MCOLN2: variants seen among roughly 807,000 people sequenced by gnomAD.
The protein encoded by MCOLN2 is mucolipin-2.
MCOLN2 carries 57 observed loss-of-function variants against 67.5 expected under a neutral mutation model. The ratio of observed to expected loss-of-function variants is 0.84; its 90% confidence interval spans 0.68 to 1.05. MCOLN2 has a LOEUF of 1.05. MCOLN2 is among the 50% of genes least tolerant of loss of function. The pLI, the probability that MCOLN2 is intolerant of heterozygous loss-of-function variation, is 0.00. For missense variants in MCOLN2, 620 were observed against 678.8 expected, an observed-to-expected ratio of 0.91 and a Z score of 0.96; for synonymous variants, 246 against 233.3, an observed-to-expected ratio of 1.05 and a Z score of -0.50.
intron 6 of MCOLN2, among the ~76,000 whole-genome samples, chr1:84,951,263 G>A (rs1440053119): frequency 1.3e-5 from 2 of 152,316 alleles, no homozygotes; most frequent in Non-Finnish European, 2.9e-5. Context: ...GACTCATTAA[G>A]TATTTATTGA....
intron 2 of MCOLN2, among the ~76,000 whole-genome samples, chr1:84,961,365 C>A (rs1332774791): frequency 1.3e-5 from 2 of 152,156 alleles, no homozygotes; most frequent in African/African-American, 2.4e-5. Context: ...AATGAAAAAA[C>A]TGACCATGAA....
At chr1:84,959,277 A>C (rs1172181144) in intron 2 of MCOLN2, among the ~76,000 whole-genome samples, 3 of 152,204 alleles carry the variant, frequency 2.0e-5, no homozygotes, top group African/African-American at 4.8e-5. Context: ...ACCAAATTCT[A>C]CAGTATCAAA....
At chr1:84,932,029 A>AACAC (rs55925234) in intron 11 of MCOLN2, among the ~76,000 whole-genome samples, 2,088 of 148,604 alleles carry the variant, frequency 0.014, 54 homozygotes, top group African/African-American at 0.047. Context: ...GTCTCTTTAA[A>AACAC]ACACACACAC....
intron 1 of MCOLN2, among the ~76,000 whole-genome samples, chr1:84,992,788 A>T (rs1233941153): frequency 6.6e-6 from 1 of 152,218 alleles, no homozygotes; most frequent in Non-Finnish European, 1.5e-5. Flanking sequence ...ACTTCATACT[A>T]AAAAATGCTA....
intron 2 of MCOLN2, among the ~76,000 whole-genome samples, chr1:84,964,279 C>T (rs560268722): frequency 4.9e-4 from 75 of 152,230 alleles, no homozygotes; most frequent in African/African-American, 1.7e-3. Context: ...TGGCAGGGAC[C>T]GTCTCCCATT....
intron 1 of MCOLN2, among the ~76,000 whole-genome samples, chr1:84,976,765 CA>C (rs1277336074): frequency 6.6e-6 from 1 of 150,880 alleles, no homozygotes; most frequent in African/African-American, 2.4e-5. Context: ...GACTCCATCT[CA>C]AAAAAAAGAT....
intron 13 of MCOLN2, among the ~76,000 whole-genome samples, chr1:84,929,175 T>C (rs1661288123): frequency 3.3e-5 from 5 of 152,158 alleles, no homozygotes; most frequent in Admixed American, 2.6e-4. Context: ...TCAAGAAAGA[T>C]TGCTTGTACC....
intron 1 of MCOLN2, among the ~76,000 whole-genome samples, chr1:84,990,496 ATGAG>A (rs991742995): frequency 1.3e-5 from 2 of 152,202 alleles, no homozygotes; most frequent in African/African-American, 4.8e-5. Context: ...TTTTAAAATA[ATGAG>A]TTAGTTATAG....
intron 1 of MCOLN2, among the ~76,000 whole-genome samples, chr1:84,987,983 G>A (rs1373907004): frequency 1.3e-5 from 2 of 151,908 alleles, no homozygotes; most frequent in East Asian, 3.9e-4. Context: ...TTGGGTGATG[G>A]GTGCACAAAA....
chr1:84,928,313 A>G (rs1317177967), intron 13 of MCOLN2, among the ~76,000 whole-genome samples: 2 of 152,166 alleles, frequency 1.3e-5, no homozygotes, highest in Non-Finnish European at 2.9e-5. Context: ...AACAACCCTC[A>G]GCACACTTTA....
intron 1 of MCOLN2, among the ~76,000 whole-genome samples, chr1:84,968,834 T>C (rs1198537518): frequency 1.3e-5 from 2 of 152,216 alleles, no homozygotes; most frequent in Non-Finnish European, 1.5e-5. Flanking sequence ...AAGACTCCCA[T>C]TTCAGAAGGG....
At chr1:84,964,533 G>A (rs1047044584) in intron 2 of MCOLN2, among the ~76,000 whole-genome samples, 1 of 147,854 alleles carries the variant, frequency 6.8e-6, no homozygotes. Flanking sequence ...GAGTGGGGGG[G>A]GGTGGGTAAT....
At chr1:84,986,442 C>T (rs1262330263) in intron 1 of MCOLN2, among the ~76,000 whole-genome samples, 1 of 150,750 alleles carries the variant, frequency 6.6e-6, no homozygotes, top group African/African-American at 2.4e-5. Flanking sequence ...ACTAGGGAGG[C>T]TGAGGCAGGA....
At chr1:84,967,659 G>C (rs965444735) in intron 1 of MCOLN2, among the ~76,000 whole-genome samples, 1 of 148,874 alleles carries the variant, frequency 6.7e-6, no homozygotes, top group Non-Finnish European at 1.5e-5. Flanking sequence ...TGCTGGAAAG[G>C]AAGGAAAAGA....
intron 1 of MCOLN2, among the ~76,000 whole-genome samples, chr1:84,990,122 C>T (rs1371206678): frequency 6.7e-6 from 1 of 149,734 alleles, no homozygotes; most frequent in Non-Finnish European, 1.5e-5. Context: ...TAGTGAAACC[C>T]CATCTCTACT....
chr1:84,980,489 T>A (rs1220582144), intron 1 of MCOLN2, among the ~76,000 whole-genome samples: 3 of 151,906 alleles, frequency 2.0e-5, no homozygotes, highest in African/African-American at 7.3e-5. Context: ...CACAGACCAA[T>A]GGAATGGAAT....
chr1:84,927,206 A>T (rs78190168), intron 13 of MCOLN2, among the ~76,000 whole-genome samples: 3 of 53,780 alleles, frequency 5.6e-5, no homozygotes, highest in Non-Finnish European at 1.5e-4. Context: ...AGTAAAATTA[A>T]AAAAAAAAAA....
intron 7 of MCOLN2, among the ~76,000 whole-genome samples, chr1:84,942,747 C>A (rs1475012110): frequency 6.6e-6 from 1 of 152,062 alleles, no homozygotes; most frequent in Admixed American, 6.5e-5. Context: ...GAGGTCTCTG[C>A]CCTCATAAAT....
chr1:84,929,941 A>C (rs1661330215), intron 12 of MCOLN2: 2 of 253,180 alleles, frequency 7.9e-6, no homozygotes, highest in Non-Finnish European at 1.5e-5. Flanking sequence ...TTTAAAAAAA[A>C]AAAAGGTAAT....
Sources: allele counts gnomAD v4.1 joint callset (sites outside exome capture counted in the v4.1 genomes callset), GRCh38; gene constraint gnomAD v4.1.1; transcripts MANE v1.5; gene names NCBI Gene and HGNC (gene_info 2026-07-23, HGNC 2026-07-21).